Variants in SATB2 observed in about 807,000 individuals in gnomAD.
The protein encoded by SATB2 is DNA-binding protein SATB2.
A neutral mutation model predicts 73.4 loss-of-function variants in SATB2; 1 was observed. The ratio of observed to expected loss-of-function variants is 0.01; its 90% confidence interval spans 0.00 to 0.06. The LOEUF (loss-of-function observed/expected upper bound fraction) is 0.06, where lower values mean the gene tolerates loss of function less well. Ranked by LOEUF, SATB2 falls within the 10% of genes least tolerant of loss-of-function variation. The pLI is 1.00. For synonymous variants in SATB2, 397 were observed against 367.0 expected, an observed-to-expected ratio of 1.08 and a Z score of -0.93; for missense variants, 459 against 945.8, an observed-to-expected ratio of 0.49 and a Z score of 6.75.
chr2:199,406,130 C>T (rs1690622211), intron 3 of SATB2, among the ~76,000 whole-genome samples: 1 of 151,940 alleles, frequency 6.6e-6, no homozygotes, highest in Non-Finnish European at 1.5e-5. Context: ...AACACTATGC[C>T]CTTTTATGTA....
At chr2:199,310,109 T>C (rs957936876) in intron 9 of SATB2, among the ~76,000 whole-genome samples, 5 of 152,212 alleles carry the variant, frequency 3.3e-5, no homozygotes, top group East Asian at 3.9e-4. Context: ...GCGGCCTCCA[T>C]GTTAATAACC....
Position 199,272,788 on chromosome 2 carries a change from T to C in SATB2, c.1741-116A>G. ...AGCACTGGAGGTAAGCTATAGTCAT[T>C]TGTAAAGTCAGGTCTTTGGAAAGCT... On this transcript the variant is annotated intron_variant, in intron 10 of 10. Transcript: ENST00000417098. This position sits in a 1 kb window ranked among gnomAD's most constrained non-coding sequence, Gnocchi z 6.7. 3 of 976,480 alleles carry C rather than the reference T, an allele frequency of 3.1e-6. No individual in the cohort carries two copies. Among genetic ancestry groups the C allele is most frequent in the East Asian group, 2.4e-5 (1 of 41,136 alleles). The allele number at this position is 976,480 out of a possible 1,614,324, so 60.5% of individuals were successfully genotyped here.
intron 2 of SATB2, among the ~76,000 whole-genome samples, chr2:199,441,829 G>A (rs1221963692): frequency 6.6e-6 from 1 of 152,226 alleles, no homozygotes; most frequent in Non-Finnish European, 1.5e-5. Flanking sequence ...TTCGGTTATA[G>A]AAATTTAGTG....
intron 10 of SATB2, among the ~76,000 whole-genome samples, chr2:199,288,269 TAA>T (rs968354473): frequency 7.9e-5 from 12 of 152,200 alleles, no homozygotes; most frequent in African/African-American, 2.9e-4. Context: ...TGCTAGCACA[TAA>T]AGAGAGACCC....
intron 5 of SATB2, among the ~76,000 whole-genome samples, chr2:199,371,464 C>T (rs1287424928): frequency 2.0e-5 from 3 of 151,644 alleles, no homozygotes; most frequent in Non-Finnish European, 2.9e-5. Flanking sequence ...CTATATTTAC[C>T]GTATTTCAAC....
At chr2:199,396,685 G>A (rs1193970550) in intron 3 of SATB2, 1 of 152,082 alleles carries the variant, frequency 6.6e-6, no homozygotes, top group Non-Finnish European at 1.5e-5. Flanking sequence ...CTGACCCACG[G>A]TTATTAGTGA....
At position 199,358,457 on chromosome 2, in the gene SATB2, TG is replaced by T. The variant is rs1190167169; in HGVS notation, c.701-9285del. Among the ~76,000 whole-genome samples, 11 of 152,188 alleles carry T rather than the reference TG, an allele frequency of 7.2e-5. No homozygotes were observed. The South Asian group carries it at 1.5e-3, about 20-fold the overall frequency. Reference sequence around the variant, plus strand: ...AAAAAATTATTGAGCTTGAAAGAGCTGAAGAGTAAAAGAAAGAAAAAAGAAA... The same window carrying T: ...AAAAAATTATTGAGCTTGAAAGAGCTAAGAGTAAAAGAAAGAAAAAAGAAA... On this transcript the variant is annotated intron_variant, in intron 6 of 10. Transcript: ENST00000417098.
upstream of SATB2, chr2:199,458,726 T>C (rs1373082623): frequency 2.6e-5 from 11 of 430,940 alleles, 1 homozygote; most frequent in South Asian, 1.8e-4. Context: ...CTTTCGACTT[T>C]GGAGATAGGA....
At chr2:199,289,388 G>C (rs1366996538) in intron 10 of SATB2, among the ~76,000 whole-genome samples, 1 of 152,152 alleles carries the variant, frequency 6.6e-6, no homozygotes, top group African/African-American at 2.4e-5. Flanking sequence ...CTGGGGCAAA[G>C]TAACTGGACT....
chr2:199,301,988 T>G (rs1359929772), intron 10 of SATB2, among the ~76,000 whole-genome samples: 1 of 152,172 alleles, frequency 6.6e-6, no homozygotes, highest in East Asian at 1.9e-4. Context: ...GTCCTACACC[T>G]GGATTTTCAT....
intron 7 of SATB2, among the ~76,000 whole-genome samples, chr2:199,344,404 C>A (rs1362357691): frequency 6.6e-6 from 1 of 152,180 alleles, no homozygotes; most frequent in Admixed American, 6.5e-5. Context: ...TATGGACACA[C>A]AAATATTGCC....
intron 9 of SATB2, among the ~76,000 whole-genome samples, chr2:199,309,863 G>T (rs912724617): frequency 6.6e-6 from 1 of 152,106 alleles, no homozygotes; most frequent in African/African-American, 2.4e-5. Context: ...GCATAAACAC[G>T]AATGACTTTG....
chr2:199,287,038 T>G (rs1235079461), intron 10 of SATB2, among the ~76,000 whole-genome samples: 1 of 152,192 alleles, frequency 6.6e-6, no homozygotes, highest in Admixed American at 6.5e-5. Flanking sequence ...AAATTTCTAA[T>G]ACTTCAGCAA....
upstream of SATB2, among the ~76,000 whole-genome samples, chr2:199,469,213 G>C (rs539817581): frequency 1.3e-5 from 2 of 152,280 alleles, no homozygotes; most frequent in Middle Eastern, 3.4e-3. Flanking sequence ...TTTGTTAACC[G>C]GAAAGGGTGC....
At chr2:199,350,069 A>C (rs1688769899) in intron 6 of SATB2, among the ~76,000 whole-genome samples, 1 of 152,192 alleles carries the variant, frequency 6.6e-6, no homozygotes, top group Non-Finnish European at 1.5e-5. Context: ...GGGCTGAAGC[A>C]ATCCCAACAT....
At chr2:199,341,956 CG>C (rs543208764) in intron 7 of SATB2, among the ~76,000 whole-genome samples, 13 of 152,130 alleles carry the variant, frequency 8.5e-5, no homozygotes, top group Non-Finnish European at 1.6e-4. Flanking sequence ...TCCTGCAGAG[CG>C]CTCTGGAGTG....
chr2:199,445,362 G>A (rs1219758875), intron 2 of SATB2, among the ~76,000 whole-genome samples: 1 of 152,116 alleles, frequency 6.6e-6, no homozygotes, highest in Non-Finnish European at 1.5e-5. Context: ...TCCTGAACAT[G>A]CAGGTCAGTC....
At chr2:199,441,851 T>C (rs1043468044) in intron 2 of SATB2, among the ~76,000 whole-genome samples, 3 of 152,224 alleles carry the variant, frequency 2.0e-5, no homozygotes, top group African/African-American at 4.8e-5. Context: ...CAAGATCAAA[T>C]TGGCCAGGCA....
At chr2:199,338,917 T>TAA (rs564809180) in intron 7 of SATB2, among the ~76,000 whole-genome samples, 3,197 of 127,950 alleles carry the variant, frequency 0.025, 95 homozygotes, top group African/African-American at 0.067. Flanking sequence ...GACTCTGTCT[T>TAA]AAAAAAAAAA....
Sources: gnomAD v4.1 joint callset for allele counts (sites outside exome capture counted in the v4.1 genomes callset) on GRCh38, gnomAD v4.1.1 for gene constraint, Gnocchi (gnomAD v3.1) non-coding constraint, MANE v1.5 for transcripts, NCBI Gene and HGNC (gene_info 2026-07-23, HGNC 2026-07-21) for gene names.